UVRAG: variants seen among roughly 807,000 people sequenced by gnomAD.
The protein encoded by UVRAG is UV radiation resistance associated.
A neutral mutation model predicts 78.0 loss-of-function variants in UVRAG; 19 were observed. That is an observed-to-expected ratio of 0.24 (90% CI 0.17 to 0.36). UVRAG has a LOEUF of 0.36. Ranked by LOEUF, UVRAG falls within the 10% of genes least tolerant of loss-of-function variation. The pLI, the probability that UVRAG is intolerant of heterozygous loss-of-function variation, is 1.00. For synonymous variants in UVRAG, 323 were observed against 324.6 expected (o/e 1.00, Z 0.05); for missense variants, 740 against 853.8 (o/e 0.87, Z 1.66).
intron 6 of UVRAG, among the ~76,000 whole-genome samples, chr11:75,945,637 C>T (rs1427750685): frequency 6.6e-6 from 1 of 152,014 alleles, no homozygotes; most frequent in African/African-American, 2.4e-5. Context: ...ATTTATTTGC[C>T]TTGAGAGTAA....
chr11:75,861,817 A>G, intron 3 of UVRAG, 37 bp downstream of exon 3: 4 of 1,546,532 alleles, frequency 2.6e-6, no homozygotes, highest in Non-Finnish European at 3.6e-6. Context: ...ATGACTAAGT[A>G]TATACACCTG....
intron 8 of UVRAG, among the ~76,000 whole-genome samples, chr11:75,993,658 G>A (rs561264532): frequency 2.6e-5 from 4 of 152,274 alleles, no homozygotes; most frequent in African/African-American, 9.6e-5. Flanking sequence ...GGTATGAAAT[G>A]TTGGTTTTAT....
intron 13 of UVRAG, among the ~76,000 whole-genome samples, chr11:76,094,979 T>C (rs374854615): frequency 2.0e-4 from 31 of 152,324 alleles, no homozygotes; most frequent in African/African-American, 7.2e-4. Context: ...TTGCTTGTTT[T>C]CTGGAAGCAG....
At chr11:75,829,674 C>G (rs1451736702) in intron 1 of UVRAG, among the ~76,000 whole-genome samples, 1 of 152,210 alleles carries the variant, frequency 6.6e-6, no homozygotes, top group East Asian at 1.9e-4. Context: ...GAACATGTTT[C>G]TGTCTCAGCG....
At chr11:76,107,012 ATTGT>A (rs1275301571) in intron 13 of UVRAG, among the ~76,000 whole-genome samples, 1 of 152,004 alleles carries the variant, frequency 6.6e-6, no homozygotes, top group Non-Finnish European at 1.5e-5. Flanking sequence ...TTTTGCTTTG[ATTGT>A]TTATTTGCAA....
intron 14 of UVRAG, among the ~76,000 whole-genome samples, chr11:76,130,388 A>G (rs1952492989): frequency 1.3e-5 from 2 of 152,212 alleles, no homozygotes; most frequent in South Asian, 4.1e-4. Context: ...TCCAATTATT[A>G]TAGCCCCAGA....
intron 13 of UVRAG, among the ~76,000 whole-genome samples, chr11:76,066,023 C>CT (rs950929933): frequency 1.3e-5 from 2 of 152,142 alleles, no homozygotes; most frequent in Admixed American, 6.5e-5. Context: ...AACTCAGAAT[C>CT]TTTTTTTGTA....
At chr11:75,971,959 G>C (rs2135240021) in intron 7 of UVRAG, among the ~76,000 whole-genome samples, 1 of 152,270 alleles carries the variant, frequency 6.6e-6, no homozygotes, top group African/African-American at 2.4e-5. Flanking sequence ...CCAATGTGCT[G>C]GTATTACAGG....
intron 9 of UVRAG, among the ~76,000 whole-genome samples, chr11:76,005,204 G>T (rs1235490251): frequency 1.3e-5 from 2 of 152,142 alleles, no homozygotes; most frequent in Non-Finnish European, 2.9e-5. Context: ...TTAGCCAGGT[G>T]TGGTGGCGGA....
At chr11:76,054,516 G>A (rs978935567) in intron 12 of UVRAG, among the ~76,000 whole-genome samples, 5 of 152,178 alleles carry the variant, frequency 3.3e-5, no homozygotes, top group Non-Finnish European at 5.9e-5. Context: ...GATGTAAACC[G>A]ATTCCTTTGC....
At chr11:76,016,470 T>C (rs1212888294) in intron 11 of UVRAG, among the ~76,000 whole-genome samples, 1 of 152,172 alleles carries the variant, frequency 6.6e-6, no homozygotes, top group Non-Finnish European at 1.5e-5. Flanking sequence ...GAAGCTAATT[T>C]TCATATCATG....
intron 6 of UVRAG, among the ~76,000 whole-genome samples, chr11:75,945,604 G>A (rs1043193192): frequency 7.9e-5 from 12 of 151,920 alleles, no homozygotes; most frequent in African/African-American, 1.9e-4. Flanking sequence ...ATGACATCTC[G>A]TGGTCAGGCC....
chr11:75,841,837 A>G (rs1166063121), intron 1 of UVRAG, among the ~76,000 whole-genome samples: 2 of 152,196 alleles, frequency 1.3e-5, no homozygotes, highest in African/African-American at 2.4e-5. Flanking sequence ...CCCTTTAATT[A>G]TCTATTACTC....
intron 12 of UVRAG, among the ~76,000 whole-genome samples, chr11:76,046,170 G>A (rs1281992483): frequency 6.6e-6 from 1 of 152,118 alleles, no homozygotes; most frequent in Non-Finnish European, 1.5e-5. Context: ...TCAAATAAAA[G>A]GGTAGAAAAA....
intron 6 of UVRAG, among the ~76,000 whole-genome samples, chr11:75,922,713 C>G (rs1948002899): frequency 6.6e-6 from 1 of 151,896 alleles, no homozygotes; most frequent in African/African-American, 2.4e-5. Context: ...TTTGGAAGGC[C>G]TAGGCAGGTG....
At chr11:76,052,716 C>T (rs1311184584) in intron 12 of UVRAG, among the ~76,000 whole-genome samples, 1 of 152,078 alleles carries the variant, frequency 6.6e-6, no homozygotes, top group Admixed American at 6.5e-5. Flanking sequence ...TGGTTTTCCT[C>T]ATATCTTTTA....
chr11:75,856,991 C>A (rs1219227302), intron 2 of UVRAG, among the ~76,000 whole-genome samples: 1 of 152,202 alleles, frequency 6.6e-6, no homozygotes, highest in Non-Finnish European at 1.5e-5. Context: ...CTTTCTCTTA[C>A]ATTTCACATC....
At chr11:75,912,799 G>A (rs1294496743) in intron 6 of UVRAG, among the ~76,000 whole-genome samples, 1 of 152,220 alleles carries the variant, frequency 6.6e-6, no homozygotes, top group African/African-American at 2.4e-5. Context: ...AATCCAGAAG[G>A]ATGCTCGGAG....
intron 3 of UVRAG, among the ~76,000 whole-genome samples, chr11:75,862,775 T>C (rs1207645534): frequency 6.6e-6 from 1 of 152,232 alleles, no homozygotes; most frequent in Non-Finnish European, 1.5e-5. Context: ...AAACTCTTGC[T>C]TGCTTACTTG....
Sources: allele counts gnomAD v4.1 joint callset (sites outside exome capture counted in the v4.1 genomes callset), GRCh38; gene constraint gnomAD v4.1.1; transcripts MANE v1.5; gene names NCBI Gene and HGNC (gene_info 2026-07-23, HGNC 2026-07-21).